OXR1: variants seen among roughly 807,000 people sequenced by gnomAD.
OXR1 encodes oxidation resistance 1.
A neutral mutation model predicts 104.6 loss-of-function variants in OXR1; 41 were observed. The ratio of observed to expected loss-of-function variants is 0.39; its 90% CI spans 0.31 to 0.51. OXR1 has a LOEUF of 0.51. Among genes scored for constraint, OXR1 ranks in the 20% least tolerant of loss-of-function variants. OXR1 has a pLI of 0.77. For synonymous variants in OXR1, 348 were observed against 348.4 expected (o/e 1.00, Z 0.01); for missense variants, 955 against 1,031.9 (o/e 0.93, Z 1.02).
chr8:106,452,427 T>C, intron 2 of OXR1, among the ~76,000 whole-genome samples: 1 of 152,166 alleles, frequency 6.6e-6, no homozygotes, highest in Non-Finnish European at 1.5e-5. Context: ...TAAAATATCA[T>C]GCTCAGAAAT....
At chr8:106,376,039 G>C (rs1458684988) in intron 2 of OXR1, among the ~76,000 whole-genome samples, 4 of 152,024 alleles carry the variant, frequency 2.6e-5, no homozygotes, top group Admixed American at 2.0e-4. Context: ...TTCAAAGGCA[G>C]GGTCTCAGTA....
At position 106,397,070 on chromosome 8, in the gene OXR1, A is replaced by T. The variant is rs148440568; in HGVS notation, c.23+37434A>T. On this transcript the variant is annotated intron_variant, in intron 2 of 16. Coordinates refer to ENST00000517566, the MANE Select transcript of OXR1 (RefSeq NM_001198533.2). ...TGTATGTGTAAATTATTCATATTGC[A>T]TTGAGTATCCTGGAAAGTTTGTCCA... 5.9e-3 allele frequency among the ~76,000 whole-genome samples: 895 copies of T among 152,208 alleles called. 31 individuals are homozygous for T. Among genetic ancestry groups the T allele is most frequent in the Admixed American group, 0.052 (797 of 15,278 alleles).
intron 3 of OXR1, among the ~76,000 whole-genome samples, chr8:106,526,566 G>A (rs1275113574): frequency 3.3e-5 from 5 of 152,144 alleles, no homozygotes; most frequent in African/African-American, 9.7e-5. Context: ...TTTTTGAGAC[G>A]GAGTCTCGCT....
At chr8:106,379,543 T>C (rs1249386580) in intron 2 of OXR1, among the ~76,000 whole-genome samples, 1 of 142,628 alleles carries the variant, frequency 7.0e-6, no homozygotes, top group Non-Finnish European at 1.5e-5. Context: ...CTTTCTTTTT[T>C]TTTTTTTTTT....
chr8:106,678,912 A>T (rs1221700850), intron 3 of OXR1, among the ~76,000 whole-genome samples: 1 of 152,036 alleles, frequency 6.6e-6, no homozygotes, highest in Admixed American at 6.5e-5. Context: ...AATCAGGTTA[A>T]ATCTGTTGAA....
Position 106,580,993 on chromosome 8 carries a change from TC to T in OXR1, c.220+61855del, listed in dbSNP as rs2130625885. 6.6e-6 allele frequency: 7 copies of T among 1,054,998 alleles called. No homozygotes were observed. In the South Asian group the frequency reaches 2.1e-4, roughly 32 times the overall value. The allele number at this position is 1,054,998 out of a possible 1,614,324, so 65.4% of individuals were successfully genotyped here. On this transcript the variant is annotated intron_variant, in intron 3 of 16. Coordinates refer to ENST00000517566, the MANE Select transcript of OXR1 (RefSeq NM_001198533.2). ...TTCCTCATTCTTGTGGCTACCACTG[TC>T]TTACCCAGCACTAAAAGCTTCTTAA...
At chr8:106,445,281 T>G (rs1819966513) in intron 2 of OXR1, among the ~76,000 whole-genome samples, 1 of 152,120 alleles carries the variant, frequency 6.6e-6, no homozygotes, top group South Asian at 2.1e-4. Context: ...CAAAGAAGAG[T>G]GAAATCTGAA....
chr8:106,689,138 G>A (rs1829035572), intron 6 of OXR1, among the ~76,000 whole-genome samples: 1 of 152,116 alleles, frequency 6.6e-6, no homozygotes, highest in African/African-American at 2.4e-5. Context: ...TTGGAGGCTG[G>A]AAGTCTGAAT....
At chr8:106,423,998 A>G (rs1819008601) in intron 2 of OXR1, among the ~76,000 whole-genome samples, 1 of 152,120 alleles carries the variant, frequency 6.6e-6, no homozygotes. Context: ...ATGCAGTGGC[A>G]TGATCTCAGC....
intron 1 of OXR1, among the ~76,000 whole-genome samples, chr8:106,313,426 A>G (rs183263582): frequency 6.6e-6 from 1 of 152,310 alleles, no homozygotes; most frequent in African/African-American, 2.4e-5. Context: ...AGAAACATGC[A>G]AATGAAGCAC....
chr8:106,662,340 A>G (rs1825846238), intron 3 of OXR1, among the ~76,000 whole-genome samples: 1 of 152,218 alleles, frequency 6.6e-6, no homozygotes, highest in East Asian at 1.9e-4. Context: ...TCAAGGAAAA[A>G]CTATTTAATA....
chr8:106,487,520 C>G (rs533204442), intron 2 of OXR1, among the ~76,000 whole-genome samples: 25 of 151,636 alleles, frequency 1.6e-4, no homozygotes, highest in Admixed American at 3.9e-4. Flanking sequence ...TGCGCTGCAC[C>G]CACTAACTCG....
chr8:106,695,885 A>C (rs577023807), intron 7 of OXR1, among the ~76,000 whole-genome samples: 42 of 152,032 alleles, frequency 2.8e-4, no homozygotes, highest in Non-Finnish European at 5.4e-4. Context: ...AGAAATTAGA[A>C]TTCATATTTA....
chr8:106,345,949 A>C (rs1450079741), intron 1 of OXR1, among the ~76,000 whole-genome samples: 2 of 152,144 alleles, frequency 1.3e-5, no homozygotes, highest in South Asian at 2.1e-4. Flanking sequence ...GAGATGAAAA[A>C]ATTTGATCAT....
At chr8:106,468,027 T>A (rs1269866083) in intron 2 of OXR1, among the ~76,000 whole-genome samples, 1 of 151,836 alleles carries the variant, frequency 6.6e-6, no homozygotes, top group Admixed American at 6.6e-5. Flanking sequence ...GATAAATTTT[T>A]GATCCATTAG....
At chr8:106,576,416 A>G (rs535751952) in intron 3 of OXR1, among the ~76,000 whole-genome samples, 1 of 151,164 alleles carries the variant, frequency 6.6e-6, no homozygotes, top group East Asian at 1.9e-4. Context: ...TATATTACTA[A>G]CAAATAGAAT....
At chr8:106,431,203 G>C (rs1368741195) in intron 2 of OXR1, among the ~76,000 whole-genome samples, 5 of 152,124 alleles carry the variant, frequency 3.3e-5, no homozygotes, top group Non-Finnish European at 7.4e-5. Flanking sequence ...ATGCAACAGA[G>C]ATGAATTGTC....
intron 3 of OXR1, among the ~76,000 whole-genome samples, chr8:106,648,763 T>A (rs1204640384): frequency 6.6e-6 from 1 of 152,210 alleles, no homozygotes; most frequent in Non-Finnish European, 1.5e-5. Flanking sequence ...GTAATTAAAT[T>A]AAATATTCTA....
At chr8:106,733,434 A>G (rs913262319) in intron 11 of OXR1, among the ~76,000 whole-genome samples, 4 of 151,982 alleles carry the variant, frequency 2.6e-5, no homozygotes, top group African/African-American at 4.8e-5. Context: ...TTCTGGTTCC[A>G]TTGCTGTTTT....
Sources: gnomAD v4.1 joint callset for allele counts (sites outside exome capture counted in the v4.1 genomes callset) on GRCh38, gnomAD v4.1.1 for gene constraint, MANE v1.5 for transcripts, NCBI Gene and HGNC (gene_info 2026-07-23, HGNC 2026-07-21) for gene names.